Variants in DMD observed in about 807,000 individuals in gnomAD.
DMD encodes the protein dystrophin.
DMD carries 63 observed loss-of-function variants against 330.1 expected under a neutral mutation model. The ratio of observed to expected loss-of-function variants is 0.19; its 90% CI spans 0.16 to 0.24. The LOEUF (loss-of-function observed/expected upper bound fraction) is 0.24. Among genes scored for constraint, DMD ranks in the 10% least tolerant of loss-of-function variants. The pLI is 1.00. For synonymous variants in DMD, 1,223 were observed against 959.8 expected (o/e 1.27, Z -5.07); for missense variants, 3,344 against 2,684.1 (o/e 1.25, Z -5.43).
chrX:33,088,701 A>T (rs2095043539), intron 1 of DMD, among the ~76,000 whole-genome samples: 1 of 112,130 alleles, frequency 8.9e-6, no homozygotes, highest in African/African-American at 3.2e-5. Context: ...AAGAATAAAT[A>T]TTAATTACCA....
At chrX:32,698,617 T>C (rs73621820) in intron 8 of DMD, among the ~76,000 whole-genome samples, 1,351 of 112,302 alleles carry the variant, frequency 0.012, 23 homozygotes, top group African/African-American at 0.042. Flanking sequence ...ATCATGTTTT[T>C]CTTTATTGTT....
At chrX:32,285,332 A>T (rs1363507484) in intron 43 of DMD, among the ~76,000 whole-genome samples, 3 of 112,417 alleles carry the variant, frequency 2.7e-5, no homozygotes, top group Non-Finnish European at 3.8e-5. Context: ...AACTGACATC[A>T]TTGGAGTAGC....
chrX:32,969,752 C>T (rs754019194), intron 2 of DMD, among the ~76,000 whole-genome samples: 1 of 94,228 alleles, frequency 1.1e-5, no homozygotes, highest in Non-Finnish European at 2.0e-5. Flanking sequence ...TACTACATAA[C>T]GATCACATTT....
At chrX:31,264,304 T>C (rs2050818288) in intron 62 of DMD, among the ~76,000 whole-genome samples, 1 of 111,498 alleles carries the variant, frequency 9.0e-6, no homozygotes, top group Non-Finnish European at 1.9e-5. Flanking sequence ...TTTTGGTAAT[T>C]GTCTCTTTTC....
chrX:32,925,602 T>C (rs2088932813), intron 2 of DMD, among the ~76,000 whole-genome samples: 1 of 111,749 alleles, frequency 8.9e-6, no homozygotes, highest in African/African-American at 3.3e-5. Context: ...TAAAAGGCAC[T>C]GCTAAAAAGG....
intron 51 of DMD, among the ~76,000 whole-genome samples, chrX:31,749,027 T>C (rs1224618633): frequency 9.0e-6 from 1 of 110,857 alleles, no homozygotes. Flanking sequence ...TATTCATTTT[T>C]TTACACATGA....
intron 52 of DMD, among the ~76,000 whole-genome samples, chrX:31,725,397 G>A (rs1302476733): frequency 9.0e-6 from 1 of 110,823 alleles, no homozygotes; most frequent in Non-Finnish European, 1.9e-5. Context: ...GGTGGTGGTG[G>A]GGGGCGAAAT....
intron 44 of DMD, among the ~76,000 whole-genome samples, chrX:32,205,275 C>A (rs1228463407): frequency 9.9e-6 from 1 of 101,297 alleles, no homozygotes; most frequent in Non-Finnish European, 2.0e-5. Flanking sequence ...TTATTTTGTG[C>A]CATTTCTTTC....
At position 31,818,014 on chromosome X, in the gene DMD, T is replaced by C. The variant is rs2092674470; in HGVS notation, c.7309+1961A>G. On this transcript the variant is annotated intron_variant, in intron 50 of 78. Transcript: ENST00000357033. ...CAATAATACCCTCATCCCATCTCCC[T>C]GCTTAGTTGTTCTCTGTAATGGTGT... Among the ~76,000 whole-genome samples the C allele has an allele frequency of 3.6e-5, 4 of 111,611 alleles. No individual in the cohort carries two copies. The South Asian group carries it at 1.1e-3, about 32-fold the overall frequency.
At chrX:31,710,010 G>C (rs760225129) in intron 52 of DMD, among the ~76,000 whole-genome samples, 1 of 111,808 alleles carries the variant, frequency 8.9e-6, no homozygotes, top group South Asian at 3.7e-4. Context: ...AAAATAAACT[G>C]GCTGAGCCTC....
intron 55 of DMD, among the ~76,000 whole-genome samples, chrX:31,621,284 G>A (rs1018172322): frequency 3.6e-5 from 4 of 111,694 alleles, no homozygotes; most frequent in Admixed American, 9.5e-5. Flanking sequence ...AATAGCTCAC[G>A]TATCTGTTTT....
At chrX:32,191,993 G>A (rs111891799) in intron 44 of DMD, among the ~76,000 whole-genome samples, 7,919 of 111,739 alleles carry the variant, frequency 0.071, 350 homozygotes, top group Admixed American at 0.13. Context: ...TTACAAATAC[G>A]ACAAGTGTTG....
intron 7 of DMD, among the ~76,000 whole-genome samples, chrX:32,800,127 G>A (rs180882450): frequency 4.6e-4 from 52 of 111,922 alleles, no homozygotes; most frequent in African/African-American, 1.6e-3. Flanking sequence ...CTCCCCAAAT[G>A]TTTCATTATT....
chrX:31,429,199 A>G (rs898489503), intron 60 of DMD, among the ~76,000 whole-genome samples: 12 of 111,436 alleles, frequency 1.1e-4, no homozygotes, highest in African/African-American at 3.9e-4. Context: ...AAAAAACAGG[A>G]CAGATGTTCC....
At position 32,596,544 on chromosome X, in the gene DMD, A is replaced by ATT. The variant is rs774794747; in HGVS notation, c.1483-670_1483-669dup. Among the ~76,000 whole-genome samples the ATT allele has an allele frequency of 2.7e-4, 27 of 98,643 alleles. 1 individual carries two copies. The highest frequency in any genetic ancestry group is 1.8e-4 in the Non-Finnish European group (9 of 49,507). 85.7% of individuals were successfully genotyped at this position (98,643 alleles called of 115,157 possible). A position where few individuals can be genotyped will look rare whatever the true frequency, so the allele number is the denominator to read the frequency against. On this transcript the variant is annotated intron_variant, in intron 12 of 78. Coordinates refer to ENST00000357033, the MANE Select transcript of DMD (RefSeq NM_004006.3). ...CTCCTACCTATGTGCTACTTTTTTT[A>ATT]TTTTTTTTTTCTATTTTGGAGACGG...
At chrX:33,034,812 C>A (rs1306761218) in intron 1 of DMD, among the ~76,000 whole-genome samples, 2 of 111,774 alleles carry the variant, frequency 1.8e-5, no homozygotes, top group African/African-American at 6.5e-5. Context: ...CTTTTCTTTC[C>A]TTTAGTTTTC....
At chrX:32,438,893 C>T (rs967979817) in intron 28 of DMD, among the ~76,000 whole-genome samples, 3 of 111,572 alleles carry the variant, frequency 2.7e-5, no homozygotes, top group East Asian at 2.8e-4. Context: ...AGTGCCTACT[C>T]GCCTCATAAT....
chrX:32,229,635 C>A (rs2097160393), intron 43 of DMD, among the ~76,000 whole-genome samples: 1 of 76,356 alleles, frequency 1.3e-5, no homozygotes, highest in Non-Finnish European at 2.4e-5. Flanking sequence ...ATACAAAAAG[C>A]TGTACATATT....
At chrX:31,632,832 T>G (rs764129724) in intron 54 of DMD, among the ~76,000 whole-genome samples, 17 of 111,973 alleles carry the variant, frequency 1.5e-4, no homozygotes, top group African/African-American at 5.5e-4. Flanking sequence ...ATTGTACTTG[T>G]GAGGGGAAGC....
Sources: allele counts gnomAD v4.1 joint callset (sites outside exome capture counted in the v4.1 genomes callset), GRCh38; gene constraint gnomAD v4.1.1; transcripts MANE v1.5; gene names NCBI Gene and HGNC (gene_info 2026-07-23, HGNC 2026-07-21).